Variants in FAM162B observed in about 807,000 individuals in gnomAD.
The protein encoded by FAM162B is family with sequence similarity 162 member B, also known as protein FAM162B.
A neutral mutation model predicts 20.0 loss-of-function variants in FAM162B; 16 were observed. The ratio of observed to expected loss-of-function variants is 0.80; its 90% CI spans 0.54 to 1.21. The LOEUF is 1.21. FAM162B is among the 50% of genes most tolerant of loss of function. The pLI is 0.00. For synonymous variants in FAM162B, 83 were observed against 89.7 expected, an observed-to-expected ratio of 0.93 and a Z score of 0.42; for missense variants, 260 against 227.5, an observed-to-expected ratio of 1.14 and a Z score of -0.92.
At chr6:116,764,283 G>T (rs558297028) in intron 2 of FAM162B, among the ~76,000 whole-genome samples, 2 of 152,120 alleles carry the variant, frequency 1.3e-5, no homozygotes, top group East Asian at 1.9e-4. Flanking sequence ...CTTCTTTCAC[G>T]TTATGGTTTT....
intron 3 of FAM162B, among the ~76,000 whole-genome samples, chr6:116,756,082 G>C (rs1780047917): frequency 6.6e-6 from 1 of 152,134 alleles, no homozygotes; most frequent in South Asian, 2.1e-4. Flanking sequence ...TGTTATTTAA[G>C]AAACACATTT....
intron 1 of FAM162B, 21 bp downstream of exon 1, chr6:116,765,384 C>T (rs1771890538): frequency 1.4e-6 from 2 of 1,480,436 alleles, no homozygotes; most frequent in Non-Finnish European, 9.0e-7. Flanking sequence ...CCAGGACCTC[C>T]CCGTCGGAGC....
Position 116,752,564 on chromosome 6 carries a change from G to A in FAM162B, c.*33C>T. The stretch of plus-strand genomic sequence containing the variant: ...TTCTACTGTTGCTGATGACAGGGAT[G>A]GTATTCAGGTGAACACTTTGTCACT... On this transcript the variant is annotated 3_prime_UTR_variant, in exon 4 of 4. Transcript: ENST00000368557. The A allele has an allele frequency of 8.5e-7, 1 of 1,183,184 alleles. No homozygotes were observed. The highest frequency in any genetic ancestry group is 2.0e-5 in the Admixed American group (1 of 50,376). The allele number at this position is 1,183,184 out of a possible 1,614,324, so 73.3% of individuals were successfully genotyped here. A position where few individuals can be genotyped will look rare whatever the true frequency, so the allele number is the denominator to read the frequency against.
At position 116,765,438 on chromosome 6, in the gene FAM162B, C is replaced by A. The variant is rs774409919; in HGVS notation, c.139G>T (p.Gly47Trp). 4 of 1,447,320 alleles carry A rather than the reference C, an allele frequency of 2.8e-6. No homozygotes were observed. Among genetic ancestry groups the A allele is most frequent in the South Asian group, 1.5e-5 (1 of 68,428 alleles). 89.7% of individuals were successfully genotyped at this position (1,447,320 alleles called of 1,614,324 possible). The change falls in exon 1 of 4, where the codon GGG becomes TGG. Residue 47 changes from glycine to tryptophan, a missense_variant. Gly to Trp is a radical substitution (Grantham distance 184). Transcript: ENST00000368557. Reference protein sequence around the residue: ...PRGLPCYSSGGAPSNSGPQGH... With the variant: ...PRGLPCYSSGWAPSNSGPQGH... ...TGGGGCCCAGAATTGCTGGGGGCCC[C>A]GCCGCTGGAGTAGCAGGGGAGACCC...
At chr6:116,763,759 G>A (rs1176823702) in intron 2 of FAM162B, among the ~76,000 whole-genome samples, 1 of 148,614 alleles carries the variant, frequency 6.7e-6, no homozygotes, top group Non-Finnish European at 1.5e-5. Flanking sequence ...ATTGAGGGTG[G>A]TGGCTTACTT....
chr6:116,755,810 G>A (rs1184894991), intron 3 of FAM162B, among the ~76,000 whole-genome samples: 1 of 152,052 alleles, frequency 6.6e-6, no homozygotes, highest in East Asian at 1.9e-4. Flanking sequence ...AATCTACTCT[G>A]CCTGTGCCAC....
intron 2 of FAM162B, among the ~76,000 whole-genome samples, chr6:116,763,458 T>C (rs1771846357): frequency 6.6e-6 from 1 of 152,186 alleles, no homozygotes; most frequent in Non-Finnish European, 1.5e-5. Context: ...TAAAAAGTTA[T>C]AGAAAAATAA....
intron 3 of FAM162B, among the ~76,000 whole-genome samples, chr6:116,754,103 C>T (rs1780025736): frequency 6.6e-6 from 1 of 152,170 alleles, no homozygotes; most frequent in African/African-American, 2.4e-5. Context: ...TTATAACTAA[C>T]TATTTCCCTA....
chr6:116,761,898 T>G, intron 3 of FAM162B, 79 bp downstream of exon 3: 1 of 1,030,432 alleles, frequency 9.7e-7, no homozygotes, highest in Non-Finnish European at 1.4e-6. Flanking sequence ...ACCCTTTTGG[T>G]GAGATACTCT....
chr6:116,761,932 G>T, intron 3 of FAM162B, 45 bp downstream of exon 3: 1 of 1,418,932 alleles, frequency 7.0e-7, no homozygotes, highest in Non-Finnish European at 9.7e-7. Flanking sequence ...TTAAAAAGAG[G>T]TACTTACCCT....
rs545262074 is a variant in FAM162B at position 116,752,254 on chromosome 6, T to G, written c.*343A>C. On this transcript the variant is annotated 3_prime_UTR_variant, in exon 4 of 4. Transcript: ENST00000368557. ...AACAGGCAAAATGAATCAAAGGTGATGAAACTCAGAAAAACTGCTATGTTT... is the reference window on the plus strand; with the variant it reads ...AACAGGCAAAATGAATCAAAGGTGAGGAAACTCAGAAAAACTGCTATGTTT... 1 of 153,370 alleles carries G rather than the reference T, an allele frequency of 6.5e-6. No homozygotes were observed. Among genetic ancestry groups the G allele is most frequent in the East Asian group, 1.9e-4 (1 of 5,270 alleles). The allele number at this position is 153,370 out of a possible 1,614,324, so 9.5% of individuals were successfully genotyped here.
chr6:116,763,951 T>A (rs1201734639), intron 2 of FAM162B, among the ~76,000 whole-genome samples: 3 of 152,190 alleles, frequency 2.0e-5, no homozygotes, highest in Non-Finnish European at 4.4e-5. Context: ...TCTTAGAAAG[T>A]GCCTCTGTAG....
At chr6:116,764,916 TCA>T (rs1771879108) in intron 2 of FAM162B, among the ~76,000 whole-genome samples, 2 of 152,172 alleles carry the variant, frequency 1.3e-5, no homozygotes, top group African/African-American at 2.4e-5. Flanking sequence ...CCTGAACCTC[TCA>T]GTTTTCACCC....
At chr6:116,759,246 C>T (rs1186994592) in intron 3 of FAM162B, among the ~76,000 whole-genome samples, 1 of 150,644 alleles carries the variant, frequency 6.6e-6, no homozygotes, top group Admixed American at 6.6e-5. Flanking sequence ...ACGTGCCTTA[C>T]CTTTTTTGTT....
Position 116,761,133 on chromosome 6 carries a change from T to C in FAM162B, c.390+844A>G, listed in dbSNP as rs951901894. Among the ~76,000 whole-genome samples the C allele has an allele frequency of 4.6e-5, 7 of 152,258 alleles. No homozygotes were observed. The South Asian group carries it at 1.0e-3, about 23-fold the overall frequency. On this transcript the variant is annotated intron_variant, in intron 3 of 3. Coordinates refer to ENST00000368557, the MANE Select transcript of FAM162B (RefSeq NM_001085480.3). ...AGGAAGTTGTTAGAGTGGTTAAAAC[T>C]GAAGAAGCAAATACTCATAGGTATG...
At chr6:116,761,681 CAT>C (rs1283184704) in intron 3 of FAM162B, among the ~76,000 whole-genome samples, 785 of 68,432 alleles carry the variant, frequency 0.011, 1 homozygote, top group African/African-American at 0.05. Context: ...CTTATATATA[CAT>C]ATATACATAT....
intron 3 of FAM162B, among the ~76,000 whole-genome samples, chr6:116,759,608 G>A (rs1780112552): frequency 6.6e-6 from 1 of 151,934 alleles, no homozygotes; most frequent in African/African-American, 2.4e-5. Context: ...CGCCCGGCCT[G>A]ATCTTTATTT....
At chr6:116,760,942 A>G (rs1407248264) in intron 3 of FAM162B, among the ~76,000 whole-genome samples, 1 of 152,186 alleles carries the variant, frequency 6.6e-6, no homozygotes, top group Non-Finnish European at 1.5e-5. Context: ...GTGAGGATGT[A>G]TGGAGCCAAG....
At position 116,765,184 on chromosome 6, in the gene FAM162B, G is replaced by T. The variant is rs746411168; in HGVS notation, c.244C>A (p.Arg82Ser). 3 of 1,613,722 alleles carry T rather than the reference G, an allele frequency of 1.9e-6. No individual in the cohort carries two copies. Among genetic ancestry groups the T allele is most frequent in the Non-Finnish European group, 2.5e-6 (3 of 1,179,968 alleles). ...GGGATCTCCTCCATCGATTTGAAAC[G>T]CCCTGTCCACAGCAGGATTTTCTTG... ...FDKKILLWTG[R>S]FKSMEEIPPR... The change falls in exon 2 of 4, where the codon CGT becomes AGT. Residue 82 changes from arginine to serine, a missense_variant. Transcript: ENST00000368557.
Sources: allele counts gnomAD v4.1 joint callset (sites outside exome capture counted in the v4.1 genomes callset), GRCh38; gene constraint gnomAD v4.1.1; transcripts MANE v1.5; gene names NCBI Gene and HGNC (gene_info 2026-07-23, HGNC 2026-07-21).